The following ORC5 variants were observed in gnomAD, a reference collection of about 807,000 sequenced individuals.
ORC5 encodes origin recognition complex subunit 5.
Under a neutral mutation model 58.8 loss-of-function variants are expected in ORC5, and 39 were observed. That is an observed-to-expected ratio of 0.66 (90% CI 0.51 to 0.87). The LOEUF is 0.87. Among genes scored for constraint, ORC5 ranks in the 40% least tolerant of loss-of-function variants. The pLI is 0.00. For synonymous variants in ORC5, 218 were observed against 177.6 expected, an observed-to-expected ratio of 1.23 and a Z score of -1.81; for missense variants, 493 against 506.3, an observed-to-expected ratio of 0.97 and a Z score of 0.25.
chr7:104,148,212 T>C (rs1247842813), intron 12 of ORC5, among the ~76,000 whole-genome samples: 8 of 152,254 alleles, frequency 5.3e-5, no homozygotes, highest in African/African-American at 1.9e-4. Flanking sequence ...GGTGAGTAAA[T>C]TGCTCAAGGT....
intron 8 of ORC5, among the ~76,000 whole-genome samples, chr7:104,172,982 TA>T (rs57266058): frequency 0.083 from 11,851 of 142,792 alleles, 1,392 homozygotes; most frequent in African/African-American, 0.27. Flanking sequence ...CTTTCCAGGT[TA>T]AAAAAAAAAA....
chr7:104,189,155 A>T (rs1173132340), intron 5 of ORC5, among the ~76,000 whole-genome samples: 3 of 152,074 alleles, frequency 2.0e-5, no homozygotes, highest in Non-Finnish European at 4.4e-5. Flanking sequence ...AGAGCCCTGT[A>T]TTGTCACATA....
intron 12 of ORC5, among the ~76,000 whole-genome samples, chr7:104,144,091 C>T (rs570385816): frequency 5.3e-4 from 80 of 151,856 alleles, no homozygotes; most frequent in African/African-American, 1.9e-3. Context: ...TGCACTCCAG[C>T]CTGGGTGACA....
chr7:104,167,800 C>G (rs1799133334), intron 9 of ORC5, among the ~76,000 whole-genome samples: 1 of 152,078 alleles, frequency 6.6e-6, no homozygotes, highest in Non-Finnish European at 1.5e-5. Context: ...GAAAGTAGTG[C>G]AAATCAATTA....
intron 12 of ORC5, among the ~76,000 whole-genome samples, chr7:104,143,370 A>G (rs1284296902): frequency 6.6e-6 from 1 of 152,222 alleles, no homozygotes; most frequent in Non-Finnish European, 1.5e-5. Flanking sequence ...GGGTCTCAAG[A>G]ATATTTTCAG....
At chr7:104,160,620 T>G (rs1799005629) in intron 12 of ORC5, among the ~76,000 whole-genome samples, 1 of 152,122 alleles carries the variant, frequency 6.6e-6, no homozygotes, top group African/African-American at 2.4e-5. Context: ...TTCTGAGAAC[T>G]TAATTATTCT....
chr7:104,189,324 A>C (rs1799621292), intron 5 of ORC5, among the ~76,000 whole-genome samples: 1 of 152,102 alleles, frequency 6.6e-6, no homozygotes, highest in Non-Finnish European at 1.5e-5. Flanking sequence ...CCAGCAGGGA[A>C]AATGCCGGAT....
chr7:104,203,861 G>A (rs575527590), intron 2 of ORC5, among the ~76,000 whole-genome samples: 1 of 152,186 alleles, frequency 6.6e-6, no homozygotes, highest in Non-Finnish European at 1.5e-5. Context: ...CAATGGCTAG[G>A]ATTAAAGGTA....
At chr7:104,131,785 G>C (rs971453998) in intron 13 of ORC5, among the ~76,000 whole-genome samples, 4 of 151,612 alleles carry the variant, frequency 2.6e-5, no homozygotes, top group South Asian at 2.1e-4. Flanking sequence ...CTTGGAGAAA[G>C]AGGCTGCAGT....
chr7:104,153,295 A>G (rs1314947013), intron 12 of ORC5, among the ~76,000 whole-genome samples: 1 of 152,156 alleles, frequency 6.6e-6, no homozygotes, highest in East Asian at 1.9e-4. Flanking sequence ...TAATATGTCC[A>G]CACCAGGGGT....
rs1485581025 is a variant in ORC5, at chr7:104,136,713, T to C, written c.1262+68A>G. The C allele has an allele frequency of 1.0e-6, 1 of 975,460 alleles. No individual in the cohort carries two copies. Among genetic ancestry groups the C allele is most frequent in the Non-Finnish European group, 1.6e-6 (1 of 614,814 alleles). The allele number at this position is 975,460 out of a possible 1,614,324, so 60.4% of individuals were successfully genotyped here. A position where few individuals can be genotyped will look rare whatever the true frequency, so the allele number is the denominator to read the frequency against. Reference sequence around the variant, plus strand: ...TTTCATGTTTAAATGTCATGACTAATGACATCACATTTGGAAAACACTAAT... The same window carrying C: ...TTTCATGTTTAAATGTCATGACTAACGACATCACATTTGGAAAACACTAAT... On this transcript the variant is annotated intron_variant, in intron 13 of 13. Coordinates refer to ENST00000297431, the MANE Select transcript of ORC5 (RefSeq NM_002553.4). This position sits in a 1 kb window ranked among gnomAD's most constrained non-coding sequence, Gnocchi z 4.2.
At position 104,161,196 on chromosome 7, in the gene ORC5, A is replaced by T. The variant is rs1799016705; in HGVS notation, c.1039-14T>A. 1.4e-6 allele frequency: 2 copies of T among 1,403,552 alleles called. No homozygotes were observed. Among genetic ancestry groups the T allele is most frequent in the African/African-American group, 1.4e-5 (1 of 70,862 alleles). The allele number at this position is 1,403,552 out of a possible 1,614,324, so 86.9% of individuals were successfully genotyped here. A position where few individuals can be genotyped will look rare whatever the true frequency, so the allele number is the denominator to read the frequency against. On this transcript the variant is annotated splice_polypyrimidine_tract_variant and intron_variant, in intron 11 of 13. Coordinates refer to ENST00000297431, the MANE Select transcript of ORC5 (RefSeq NM_002553.4). ...ATGATTGCTTGTCTGTAAAAAACAA[A>T]ACAAAAACATGGATTTTCTTCTTAT...
intron 13 of ORC5, among the ~76,000 whole-genome samples, chr7:104,130,460 C>T (rs140910807): frequency 3.9e-4 from 60 of 152,262 alleles, no homozygotes; most frequent in African/African-American, 1.1e-3. Context: ...ACTGTACCCC[C>T]GGACAGTTCT....
At position 104,161,126 on chromosome 7, in the gene ORC5, T is replaced by C. The variant is rs1217448148; in HGVS notation, c.1095A>G (p.Ile365Met). 1 of 1,611,364 alleles carries C rather than the reference T, an allele frequency of 6.2e-7. No homozygotes were observed. The highest frequency in any genetic ancestry group is 2.2e-5 in the East Asian group (1 of 44,782). Residue 365 changes from isoleucine to methionine, a missense_variant, in exon 12 of 14, where the codon ATA becomes ATG. Coordinates refer to ENST00000297431, the MANE Select transcript of ORC5 (RefSeq NM_002553.4). Reference protein sequence around the residue: ...KPFPLDRLLAILYSIVDSRVA... With the variant: ...KPFPLDRLLAMLYSIVDSRVA... ...CTCTGCTGTCCACGATACTATATAA[T>C]ATTGCTAATAATCTGTCTAGTGGAA...
chr7:104,190,596 C>T (rs919667079), intron 5 of ORC5, among the ~76,000 whole-genome samples: 2 of 151,904 alleles, frequency 1.3e-5, no homozygotes, highest in African/African-American at 4.8e-5. Flanking sequence ...AGGGAAACAA[C>T]CATATATTAT....
chr7:104,184,279 C>T (rs1799496815), intron 6 of ORC5, 108 bp from the exon 7 acceptor site: 1 of 600,458 alleles, frequency 1.7e-6, no homozygotes, highest in African/African-American at 1.9e-5. Flanking sequence ...TTTTACTTAA[C>T]ACATTTGCTC....
At chr7:104,167,540 T>A (rs1433715855) in intron 9 of ORC5, among the ~76,000 whole-genome samples, 2 of 152,206 alleles carry the variant, frequency 1.3e-5, no homozygotes, top group African/African-American at 4.8e-5. Flanking sequence ...AATGTTTTTT[T>A]GTATCCCTAC....
intron 1 of ORC5, among the ~76,000 whole-genome samples, chr7:104,207,179 G>A (rs1235911666): frequency 3.3e-5 from 5 of 152,076 alleles, no homozygotes; most frequent in Admixed American, 6.6e-5. Flanking sequence ...AAGACCACCA[G>A]AAAATAGTCA....
rs557738889 is a variant in ORC5 at position 104,138,538 on chromosome 7, C to A, written c.1150-1645G>T. Among the ~76,000 whole-genome samples the A allele has an allele frequency of 6.6e-6, 1 of 151,570 alleles. No individual in the cohort carries two copies. Among genetic ancestry groups the A allele is most frequent in the South Asian group, 2.1e-4 (1 of 4,796 alleles). On this transcript the variant is annotated intron_variant, in intron 12 of 13. Coordinates refer to ENST00000297431, the MANE Select transcript of ORC5 (RefSeq NM_002553.4). This position sits in a 1 kb window ranked among gnomAD's most constrained non-coding sequence, Gnocchi z 4.7. ...TCTTTTTTTTTTTCTGAGGCAGGGT[C>A]TCACTCCATTATCCATGCTGGATTG...
Sources: gnomAD v4.1 joint callset for allele counts (sites outside exome capture counted in the v4.1 genomes callset) on GRCh38, gnomAD v4.1.1 for gene constraint, Gnocchi (gnomAD v3.1) non-coding constraint, MANE v1.5 for transcripts, NCBI Gene and HGNC (gene_info 2026-07-23, HGNC 2026-07-21) for gene names.